Variants in NTM observed in about 807,000 individuals in gnomAD.
The protein encoded by NTM is IgLON family member 2.
Under a neutral mutation model 42.1 loss-of-function variants are expected in NTM, and 13 were observed. The ratio of observed to expected loss-of-function variants is 0.31; its 90% confidence interval spans 0.20 to 0.49. The LOEUF (loss-of-function observed/expected upper bound fraction) is 0.49. Ranked by LOEUF, NTM falls within the 20% of genes least tolerant of loss-of-function variation. NTM has a pLI of 0.99. For missense variants in NTM, 373 were observed against 452.8 expected (o/e 0.82, Z 1.60); for synonymous variants, 187 against 179.2 (o/e 1.04, Z -0.35).
rs1207193936 is a variant in NTM, at chr11:131,672,887, AC to A, written c.83-238676del. ...ACCGTGTTCCTTGCCTATTTCCCTT[AC>A]AACAGAGAAGACCACGGTGCCGGGG... is the stretch of plus-strand genomic sequence containing the variant. On this transcript the variant is annotated intron_variant, in intron 1 of 8. Coordinates refer to ENST00000683400, the MANE Select transcript of NTM (RefSeq NM_001352005.2). 2.8e-4 allele frequency among the ~76,000 whole-genome samples: 20 copies of A among 72,002 alleles called. 1 individual carries two copies. The highest frequency in any genetic ancestry group is 8.9e-4 in the South Asian group (1 of 1,118). 47.2% of individuals were successfully genotyped at this position (72,002 alleles called of 152,430 possible). A position where few individuals can be genotyped will look rare whatever the true frequency, so the allele number is the denominator to read the frequency against.
intron 3 of NTM, among the ~76,000 whole-genome samples, chr11:132,165,858 A>G (rs1394730671): frequency 1.3e-5 from 2 of 152,214 alleles, no homozygotes; most frequent in East Asian, 3.9e-4. Context: ...TGTTGATTTC[A>G]TTGCATTTTC....
rs146920871 is a variant in NTM, at chr11:131,852,008, G to A, written c.83-59556G>A. On this transcript the variant is annotated intron_variant, in intron 1 of 8. Coordinates refer to ENST00000683400, the MANE Select transcript of NTM (RefSeq NM_001352005.2). ...GGGGTGCTTGCCATGTTGAGGATGA[G>A]CTGGCTTCATTTCCAGCTACTGGAC... is the stretch of plus-strand genomic sequence containing the variant. Among the ~76,000 whole-genome samples, 525 of 152,268 alleles carry A rather than the reference G, an allele frequency of 3.4e-3. 3 individuals carry two copies. The highest frequency in any genetic ancestry group is 0.011 in the African/African-American group (472 of 41,558).
chr11:131,939,000 A>G (rs1317059413), intron 2 of NTM, among the ~76,000 whole-genome samples: 1 of 152,320 alleles, frequency 6.6e-6, no homozygotes, highest in East Asian at 1.9e-4. Flanking sequence ...AAGAGTTTGC[A>G]GATGGATTTA....
At chr11:131,412,237 G>A (rs942072599) in intron 1 of NTM, among the ~76,000 whole-genome samples, 2 of 152,148 alleles carry the variant, frequency 1.3e-5, no homozygotes, top group South Asian at 4.1e-4. Flanking sequence ...GGGCCTGTAA[G>A]TTCTCATCAT....
chr11:131,451,698 C>T (rs985370853), intron 1 of NTM, among the ~76,000 whole-genome samples: 3 of 152,158 alleles, frequency 2.0e-5, no homozygotes, highest in African/African-American at 7.2e-5. Flanking sequence ...CAGGGAGGCT[C>T]TAGCGGCAGA....
chr11:131,789,636 A>AAAG (rs374898394), intron 1 of NTM, among the ~76,000 whole-genome samples: 342 of 30,862 alleles, frequency 0.011, 35 homozygotes, highest in East Asian at 0.025. Flanking sequence ...AAGAAGAAGA[A>AAAG]AAGAAGAAGA....
At chr11:131,461,530 T>C (rs74813889) in intron 1 of NTM, among the ~76,000 whole-genome samples, 4,915 of 152,174 alleles carry the variant, frequency 0.032, 245 homozygotes, top group African/African-American at 0.11. Context: ...GAAGGGTGCA[T>C]ACCAGGGGTA....
chr11:131,471,981 C>G (rs1042267619), intron 1 of NTM, among the ~76,000 whole-genome samples: 1 of 152,170 alleles, frequency 6.6e-6, no homozygotes, highest in African/African-American at 2.4e-5. Flanking sequence ...TGCATAATGG[C>G]TGTGAATTCC....
At chr11:132,217,258 C>T (rs2084040629) in intron 4 of NTM, among the ~76,000 whole-genome samples, 1 of 151,536 alleles carries the variant, frequency 6.6e-6, no homozygotes, top group Non-Finnish European at 1.5e-5. Context: ...TATAGGTTAA[C>T]TAAAGAAAAA....
At chr11:131,797,273 C>A (rs1410116170) in intron 1 of NTM, among the ~76,000 whole-genome samples, 1 of 152,080 alleles carries the variant, frequency 6.6e-6, no homozygotes, top group Non-Finnish European at 1.5e-5. Context: ...TGACAACTAT[C>A]TCTGCTCCAC....
Position 132,248,395 on chromosome 11 carries a change from G to GT in NTM, c.526+36258dup, listed in dbSNP as rs35880319. Among the ~76,000 whole-genome samples the GT allele has an allele frequency of 3.2e-3, 461 of 145,452 alleles. 2 individuals are homozygous for GT. Among genetic ancestry groups the GT allele is most frequent in the East Asian group, 0.027 (107 of 4,010 alleles). On this transcript the variant is annotated intron_variant, in intron 4 of 8. Transcript: ENST00000683400. Reference sequence around the variant, plus strand: ...CTGTGGCAGTGCTATAGCCCTTGAGGTTTTTTTTTTCTCTTTCTTCTCCCC... The same window carrying GT: ...CTGTGGCAGTGCTATAGCCCTTGAGGTTTTTTTTTTTCTCTTTCTTCTCCCC...
chr11:131,461,258 A>G (rs1334941195), intron 1 of NTM, among the ~76,000 whole-genome samples: 1 of 152,170 alleles, frequency 6.6e-6, no homozygotes, highest in African/African-American at 2.4e-5. Flanking sequence ...CAACTCCCTT[A>G]TTGTTGCAAA....
rs1333318498 is a variant in NTM, at chr11:132,002,471, C to T, written c.167+90823C>T. On this transcript the variant is annotated intron_variant, in intron 2 of 8. Transcript: ENST00000683400. This position sits in a 1 kb window ranked among gnomAD's most constrained non-coding sequence, Gnocchi z 4.5. ...TGAGTGTCAGTGATCAACAATTAAC[C>T]CTACGTCTCAATTCATCATAAGCAA... Among the ~76,000 whole-genome samples, 2 of 151,950 alleles carry T rather than the reference C, an allele frequency of 1.3e-5. No homozygotes were observed. Among genetic ancestry groups the T allele is most frequent in the African/African-American group, 4.8e-5 (2 of 41,348 alleles).
chr11:131,623,678 C>T (rs1391226112), intron 1 of NTM, among the ~76,000 whole-genome samples: 3 of 152,212 alleles, frequency 2.0e-5, no homozygotes, highest in African/African-American at 7.2e-5. Flanking sequence ...CCTGGAGTGA[C>T]CCCCGCAGAT....
At chr11:131,699,894 C>T (rs2075882539) in intron 1 of NTM, among the ~76,000 whole-genome samples, 1 of 150,162 alleles carries the variant, frequency 6.7e-6, no homozygotes, top group Admixed American at 6.7e-5. Flanking sequence ...AACCATATCA[C>T]TAGCCAAAGC....
intron 2 of NTM, among the ~76,000 whole-genome samples, chr11:131,931,978 G>T (rs115904856): frequency 2.1e-3 from 321 of 152,318 alleles, no homozygotes; most frequent in African/African-American, 7.4e-3. Flanking sequence ...CCACCACGGC[G>T]GTGCCTCGAT....
chr11:132,244,660 C>T (rs1274684080), intron 4 of NTM, among the ~76,000 whole-genome samples: 2 of 152,198 alleles, frequency 1.3e-5, no homozygotes, highest in African/African-American at 4.8e-5. Context: ...CACATGTCTT[C>T]TGATCAAAAC....
chr11:132,310,391 T>C (rs1176331713), intron 6 of NTM, among the ~76,000 whole-genome samples, 159 bp downstream of exon 6: 1 of 152,166 alleles, frequency 6.6e-6, no homozygotes, highest in Non-Finnish European at 1.5e-5. Context: ...TTCTTAACAT[T>C]AATGGATTTC....
At chr11:131,933,048 C>T (rs2134114191) in intron 2 of NTM, among the ~76,000 whole-genome samples, 1 of 152,348 alleles carries the variant, frequency 6.6e-6, no homozygotes, top group Non-Finnish European at 1.5e-5. Context: ...CTCAGCTTTT[C>T]CTCCACAGCG....
Sources: allele counts gnomAD v4.1 joint callset (sites outside exome capture counted in the v4.1 genomes callset), GRCh38; gene constraint gnomAD v4.1.1; non-coding constraint Gnocchi (gnomAD v3.1); transcripts MANE v1.5; gene names NCBI Gene and HGNC (gene_info 2026-07-23, HGNC 2026-07-21).